The following NBEA variants were observed in gnomAD, a reference collection of about 807,000 sequenced individuals.
NBEA encodes neurobeachin.
Under a neutral mutation model 343.4 loss-of-function variants are expected in NBEA, and 44 were observed. The ratio of observed to expected loss-of-function variants is 0.13; its 90% CI spans 0.10 to 0.16. NBEA has a LOEUF of 0.16. Among genes scored for constraint, NBEA ranks in the 10% least tolerant of loss-of-function variants. The probability of loss-of-function intolerance (pLI) is 1.00; values close to 1 mark genes in which losing one functional copy is unlikely to be tolerated. For synonymous variants in NBEA, 1,175 were observed against 1,238.7 expected, an observed-to-expected ratio of 0.95 and a Z score of 1.08; for missense variants, 2,555 against 3,631.3, an observed-to-expected ratio of 0.70 and a Z score of 7.62.
At chr13:35,646,931 A>C (rs917158734) in intron 51 of NBEA, among the ~76,000 whole-genome samples, 3 of 152,172 alleles carry the variant, frequency 2.0e-5, no homozygotes, top group Non-Finnish European at 4.4e-5. Flanking sequence ...TTCAAAATAG[A>C]GGTAAAAATA....
chr13:34,982,244 A>G (rs558251272), intron 1 of NBEA, among the ~76,000 whole-genome samples: 17 of 151,958 alleles, frequency 1.1e-4, no homozygotes, highest in African/African-American at 4.1e-4. Context: ...TAGAATTTTG[A>G]TCAGATTAGT....
At chr13:35,150,139 C>A (rs2068684737) in intron 18 of NBEA, among the ~76,000 whole-genome samples, 2 of 152,114 alleles carry the variant, frequency 1.3e-5, no homozygotes, top group Non-Finnish European at 2.9e-5. Flanking sequence ...GACCTCTGAC[C>A]AATTTTAGTA....
chr13:35,544,406 AAAAG>A (rs2078973117), intron 41 of NBEA, among the ~76,000 whole-genome samples: 1 of 152,250 alleles, frequency 6.6e-6, no homozygotes, highest in South Asian at 2.1e-4. Context: ...AGCTTCCTTA[AAAAG>A]AAAAAAAGGT....
chr13:35,195,785 A>C, intron 30 of NBEA, 79 bp from the exon 31 acceptor site: 1 of 1,291,818 alleles, frequency 7.7e-7, no homozygotes, highest in Non-Finnish European at 1.0e-6. Flanking sequence ...TCTTTATTTG[A>C]ATATATGAAA....
intron 55 of NBEA, 124 bp from the exon 56 acceptor site, chr13:35,664,960 TG>T: frequency 3.0e-6 from 2 of 675,288 alleles, no homozygotes; most frequent in Non-Finnish European, 5.2e-6. Context: ...AACTGGCTCA[TG>T]GTCACACAGC....
At chr13:35,115,664 A>G (rs2066458289) in intron 13 of NBEA, among the ~76,000 whole-genome samples, 3 of 152,184 alleles carry the variant, frequency 2.0e-5, no homozygotes, top group Admixed American at 1.3e-4. Context: ...TTTTGCAGAA[A>G]TGGATTTATA....
At chr13:35,308,776 A>G (rs1200354951) in intron 35 of NBEA, among the ~76,000 whole-genome samples, 1 of 150,454 alleles carries the variant, frequency 6.6e-6, no homozygotes, top group African/African-American at 2.4e-5. Flanking sequence ...AACAGTATAT[A>G]AATTATATTC....
chr13:35,171,011 G>T, intron 25 of NBEA: 1 of 545,182 alleles, frequency 1.8e-6, no homozygotes, highest in Non-Finnish European at 3.4e-6. Flanking sequence ...AGTTTAGGAT[G>T]TCATTTTTAT....
chr13:35,156,236 T>G (rs1316851087), intron 20 of NBEA, 30 bp downstream of exon 20: 2 of 1,505,314 alleles, frequency 1.3e-6, no homozygotes, highest in African/African-American at 1.4e-5. Flanking sequence ...TAACAACACT[T>G]TATTCCATAA....
intron 34 of NBEA, among the ~76,000 whole-genome samples, chr13:35,271,393 A>G (rs1421278918): frequency 6.6e-6 from 1 of 152,204 alleles, no homozygotes; most frequent in Admixed American, 6.5e-5. Flanking sequence ...AACCACAAAG[A>G]TGGGGAGAAA....
intron 1 of NBEA, among the ~76,000 whole-genome samples, chr13:34,980,187 C>T (rs2060310798): frequency 6.6e-6 from 1 of 151,440 alleles, no homozygotes; most frequent in African/African-American, 2.4e-5. Context: ...TAGAGTCTAG[C>T]TGTTTTTTTT....
chr13:35,653,127 A>T (rs1464955805), intron 53 of NBEA, among the ~76,000 whole-genome samples: 3 of 152,162 alleles, frequency 2.0e-5, no homozygotes, highest in African/African-American at 7.2e-5. Flanking sequence ...AATCGTGTAC[A>T]TATTTATTAG....
chr13:35,501,812 ACTG>A (rs2076898365), intron 41 of NBEA, among the ~76,000 whole-genome samples: 1 of 152,068 alleles, frequency 6.6e-6, no homozygotes, highest in African/African-American at 2.4e-5. Flanking sequence ...TCCTCCTGCA[ACTG>A]CAAAGCCTCC....
intron 18 of NBEA, among the ~76,000 whole-genome samples, chr13:35,153,254 C>T (rs558419889): frequency 6.7e-4 from 102 of 151,986 alleles, no homozygotes; most frequent in African/African-American, 2.3e-3. Flanking sequence ...AGGATGGTCT[C>T]GATCTCCTGA....
intron 40 of NBEA, among the ~76,000 whole-genome samples, chr13:35,471,387 A>C (rs1362045607): frequency 6.6e-6 from 1 of 152,132 alleles, no homozygotes; most frequent in African/African-American, 2.4e-5. Flanking sequence ...TGTTATTGTG[A>C]CGCATCTGAC....
intron 11 of NBEA, among the ~76,000 whole-genome samples, chr13:35,104,647 A>G (rs1054554851): frequency 3.3e-5 from 5 of 151,936 alleles, no homozygotes; most frequent in African/African-American, 1.2e-4. Flanking sequence ...TTCTTAACTA[A>G]TAACAGGTTA....
chr13:35,316,048 A>T (rs1459355787), intron 36 of NBEA, among the ~76,000 whole-genome samples: 1 of 151,984 alleles, frequency 6.6e-6, no homozygotes, highest in Non-Finnish European at 1.5e-5. Flanking sequence ...TTTCTTTTCC[A>T]TGTGTTTTCT....
chr13:35,367,694 C>T (rs2041201024), intron 38 of NBEA, among the ~76,000 whole-genome samples: 1 of 151,264 alleles, frequency 6.6e-6, no homozygotes. Flanking sequence ...ATTTTTATGC[C>T]TGTTTTGAGT....
At chr13:35,534,754 G>A (rs370812934) in intron 41 of NBEA, among the ~76,000 whole-genome samples, 6 of 152,304 alleles carry the variant, frequency 3.9e-5, no homozygotes, top group East Asian at 3.9e-4. Flanking sequence ...AGGAGGGGCC[G>A]TCTCTGTCTT....
Sources: allele counts gnomAD v4.1 joint callset (sites outside exome capture counted in the v4.1 genomes callset), GRCh38; gene constraint gnomAD v4.1.1; transcripts MANE v1.5; gene names NCBI Gene and HGNC (gene_info 2026-07-23, HGNC 2026-07-21).